The following CCNT2 variants were observed in gnomAD, a reference collection of about 807,000 sequenced individuals.
The protein encoded by CCNT2 is cyclin-T2.
CCNT2 carries 18 observed loss-of-function variants against 70.0 expected under a neutral mutation model. That is an observed-to-expected ratio of 0.26 (90% CI 0.18 to 0.38). CCNT2 has a LOEUF of 0.38. Ranked by LOEUF, CCNT2 falls within the 10% of genes least tolerant of loss-of-function variation. CCNT2 has a pLI of 1.00. For missense variants in CCNT2, 734 were observed against 890.2 expected, an observed-to-expected ratio of 0.82 and a Z score of 2.23; for synonymous variants, 334 against 313.3, an observed-to-expected ratio of 1.07 and a Z score of -0.70.
chr2:134,922,469 A>T (rs897408586), intron 2 of CCNT2, among the ~76,000 whole-genome samples: 13 of 152,156 alleles, frequency 8.5e-5, no homozygotes, highest in African/African-American at 3.1e-4. Context: ...TGACCCAGAA[A>T]TGGTCTCTTA....
intron 5 of CCNT2, chr2:134,945,207 T>C (rs1225338632): frequency 1.0e-6 from 1 of 985,074 alleles, no homozygotes; most frequent in African/African-American, 1.8e-5. Context: ...ACAGGTGCCA[T>C]GAATAAAAAA....
chr2:134,944,948 T>A (rs1681843821), intron 5 of CCNT2: 1 of 985,318 alleles, frequency 1.0e-6, no homozygotes, highest in African/African-American at 1.7e-5. Context: ...TAAATTTGAT[T>A]TCTGTGAAGT....
chr2:134,928,327 G>A (rs1680461619), intron 2 of CCNT2, among the ~76,000 whole-genome samples: 2 of 132,806 alleles, frequency 1.5e-5, no homozygotes, highest in South Asian at 4.9e-4. Context: ...TGCCCAGGCT[G>A]GAGTGCAATG....
At position 134,918,926 on chromosome 2, in the gene CCNT2, C is replaced by G. The variant is rs778544283; in HGVS notation, c.72C>G (p.Arg24=). ...TREQLENTPS[R]RCGVEADKEL... ...AACAGCTGGAGAACACGCCGAGCCG[C>G]CGCTGCGGAGTGGAGGCGGATAAAG... Residue 24 remains arginine, a synonymous_variant, in exon 1 of 9, where the codon CGC becomes CGG. Coordinates refer to ENST00000264157, the MANE Select transcript of CCNT2 (RefSeq NM_058241.3). 1.2e-6 allele frequency: 2 copies of G among 1,614,052 alleles called. No individual in the cohort carries two copies. The highest frequency in any genetic ancestry group is 2.2e-5 in the South Asian group (2 of 91,082).
chr2:134,956,057 G>C lies in CCNT2; in HGVS notation c.*1409G>C, dbSNP rs954824266. On this transcript the variant is annotated 3_prime_UTR_variant, in exon 9 of 9. Coordinates refer to ENST00000264157, the MANE Select transcript of CCNT2 (RefSeq NM_058241.3). The stretch of plus-strand genomic sequence containing the variant: ...CTTAAACACCAGTAATATGGCTCTT[G>C]TTTATCAGCTAATCTTGAATTTATT... 6.6e-6 allele frequency: 1 copy of C among 152,602 alleles called. No individual in the cohort carries two copies. Among genetic ancestry groups the C allele is most frequent in the Non-Finnish European group, 1.5e-5 (1 of 68,016 alleles). 9.5% of individuals were successfully genotyped at this position (152,602 alleles called of 1,614,324 possible).
At chr2:134,938,399 T>C (rs530854835) in intron 3 of CCNT2, among the ~76,000 whole-genome samples, 1 of 152,374 alleles carries the variant, frequency 6.6e-6, no homozygotes, top group East Asian at 1.9e-4. Flanking sequence ...TAATTTTTCA[T>C]ATCCTTTATT....
intron 5 of CCNT2, chr2:134,943,992 T>A: frequency 5.1e-6 from 5 of 974,696 alleles, no homozygotes; most frequent in Non-Finnish European, 6.1e-6. Flanking sequence ...ACCTAGTGAT[T>A]TATTATGTTA....
chr2:134,943,916 CTTTTG>C, intron 5 of CCNT2: 2 of 966,794 alleles, frequency 2.1e-6, no homozygotes, highest in Non-Finnish European at 2.5e-6. Context: ...TTTTGAAAAT[CTTTTG>C]TTTTTAGTAT....
intron 7 of CCNT2, among the ~76,000 whole-genome samples, chr2:134,949,781 A>G (rs1249056158): frequency 1.8e-5 from 2 of 112,302 alleles, no homozygotes; most frequent in Non-Finnish European, 3.3e-5. Context: ...GATTAAGATT[A>G]GGTAGGCAAA....
chr2:134,948,565 TGTGTTCTGTTAATTAGGAAC>T (rs1480604509), intron 7 of CCNT2, among the ~76,000 whole-genome samples: 1 of 152,186 alleles, frequency 6.6e-6, no homozygotes, highest in Admixed American at 6.5e-5. Flanking sequence ...ATTGTGGGTG[TGTGTTCTGTTAATTAGGAAC>T]GTGGAATTTT....
intron 3 of CCNT2, among the ~76,000 whole-genome samples, chr2:134,937,850 G>T (rs2105051455): frequency 6.6e-6 from 1 of 152,308 alleles, no homozygotes; most frequent in East Asian, 1.9e-4. Flanking sequence ...GGAGGCAGAG[G>T]TTGCGGTGAG....
At chr2:134,919,438 T>C (rs1679694752) in intron 1 of CCNT2, among the ~76,000 whole-genome samples, 1 of 152,164 alleles carries the variant, frequency 6.6e-6, no homozygotes, top group Non-Finnish European at 1.5e-5. Flanking sequence ...GCCGGCTTGA[T>C]GGCGGCTCTC....
rs1040844125 is a variant in CCNT2 at position 134,946,083 on chromosome 2, T to G, written c.494-18T>G. 3.1e-6 allele frequency: 5 copies of G among 1,602,764 alleles called. No homozygotes were observed. Among genetic ancestry groups the G allele is most frequent in the East Asian group, 2.2e-5 (1 of 44,694 alleles). On this transcript the variant is annotated intron_variant, in intron 5 of 8. Transcript: ENST00000264157. ...TAAGGCTGATAGTATTGTCTTCGTT[T>G]TTTTTTTTTTCTTACAGCAAGCAAG...
chr2:134,926,144 G>A (rs1348460840), intron 2 of CCNT2, among the ~76,000 whole-genome samples: 1 of 152,096 alleles, frequency 6.6e-6, no homozygotes, highest in Non-Finnish European at 1.5e-5. Flanking sequence ...GCCTAAAGCA[G>A]CTCTTTCCAG....
Position 134,954,940 on chromosome 2 carries a change from T to C in CCNT2, c.*292T>C. 1 of 299,192 alleles carries C rather than the reference T, an allele frequency of 3.3e-6. No homozygotes were observed. Among genetic ancestry groups the C allele is most frequent in the Non-Finnish European group, 6.2e-6 (1 of 160,246 alleles). 18.5% of individuals were successfully genotyped at this position (299,192 alleles called of 1,614,324 possible). A position where few individuals can be genotyped will look rare whatever the true frequency, so the allele number is the denominator to read the frequency against. Reference sequence around the variant, plus strand: ...GAATGGCTGGCTGCTTCTAGGAATATAAGATGCCTCAAGCATTCATTATTT... The same window carrying C: ...GAATGGCTGGCTGCTTCTAGGAATACAAGATGCCTCAAGCATTCATTATTT... On this transcript the variant is annotated 3_prime_UTR_variant, in exon 9 of 9. Transcript: ENST00000264157.
At chr2:134,936,309 A>G (rs1681151324) in intron 2 of CCNT2, among the ~76,000 whole-genome samples, 1 of 151,992 alleles carries the variant, frequency 6.6e-6, no homozygotes, top group South Asian at 2.1e-4. Flanking sequence ...CCTTTGTTCT[A>G]TGTGCAAAAC....
At chr2:134,920,027 G>C in intron 2 of CCNT2, 136 bp downstream of exon 2, 1 of 558,982 alleles carries the variant, frequency 1.8e-6, no homozygotes, top group South Asian at 2.4e-5. Context: ...TAAATATTTT[G>C]CTTCAGATGC....
At chr2:134,920,702 C>T (rs1204468221) in intron 2 of CCNT2, among the ~76,000 whole-genome samples, 5 of 152,154 alleles carry the variant, frequency 3.3e-5, no homozygotes, top group Non-Finnish European at 7.4e-5. Flanking sequence ...TTATTTGTTA[C>T]TTTTTATCAT....
chr2:134,935,026 T>G (rs1469278412), intron 2 of CCNT2, among the ~76,000 whole-genome samples: 34 of 152,336 alleles, frequency 2.2e-4, no homozygotes, highest in Admixed American at 2.2e-3. Context: ...TGGAATACTT[T>G]GAATTTAATA....
Sources: gnomAD v4.1 joint callset for allele counts (sites outside exome capture counted in the v4.1 genomes callset) on GRCh38, gnomAD v4.1.1 for gene constraint, MANE v1.5 for transcripts, NCBI Gene and HGNC (gene_info 2026-07-23, HGNC 2026-07-21) for gene names.